The following OR4C6 variants were observed in gnomAD, a reference collection of about 807,000 sequenced individuals.
OR4C6 encodes olfactory receptor family 4 subfamily C member 6.
OR4C6 carries 20 observed loss-of-function variants against 13.9 expected under a neutral mutation model. The ratio of observed to expected loss-of-function variants is 1.43; its 90% CI spans 1.01 to 2.08. The LOEUF (loss-of-function observed/expected upper bound fraction) is 2.08, where lower values mean the gene tolerates loss of function less well. Among genes scored for constraint, OR4C6 ranks in the 30% most tolerant of loss-of-function variants. The pLI, the probability that OR4C6 is intolerant of heterozygous loss-of-function variation, is 0.00. For missense variants in OR4C6, 555 were observed against 381.2 expected (o/e 1.46, Z -3.80); for synonymous variants, 193 against 141.5 (o/e 1.36, Z -2.58).
chr11:55,663,698 T>C (rs1458258858), intron 1 of OR4C6, among the ~76,000 whole-genome samples: 1 of 137,894 alleles, frequency 7.3e-6, no homozygotes, highest in East Asian at 2.4e-4. Flanking sequence ...TTCACAAGGA[T>C]TGTTGCAAGA....
rs1280240799 is a variant in OR4C6, at chr11:55,665,107, C to T, written c.-42-18C>T. 3 of 1,054,832 alleles carry T rather than the reference C, an allele frequency of 2.8e-6. No homozygotes were observed. The highest frequency in any genetic ancestry group is 4.2e-6 in the Non-Finnish European group (3 of 713,394). The allele number at this position is 1,054,832 out of a possible 1,614,324, so 65.3% of individuals were successfully genotyped here. A position where few individuals can be genotyped will look rare whatever the true frequency, so the allele number is the denominator to read the frequency against. On this transcript the variant is annotated intron_variant, in intron 1 of 1. Transcript: ENST00000314259. ...GCCAAATTAGTCACTAATTATAAATCATATCTTGCTTATTTAGGATTCTCA... is the reference window on the plus strand; with the variant it reads ...GCCAAATTAGTCACTAATTATAAATTATATCTTGCTTATTTAGGATTCTCA...
chr11:55,662,674 A>G (rs1858685505), intron 1 of OR4C6, among the ~76,000 whole-genome samples: 1 of 138,682 alleles, frequency 7.2e-6, no homozygotes. Flanking sequence ...GAGGGCATAG[A>G]CAGAGGCACT....
Position 55,665,765 on chromosome 11 carries a change from A to G in OR4C6, c.599A>G (p.Asn200Ser). The G allele has an allele frequency of 2.5e-6, 4 of 1,613,874 alleles. No homozygotes were observed. The highest frequency in any genetic ancestry group is 3.4e-6 in the Non-Finnish European group (4 of 1,179,988). Residue 200 changes from asparagine (N) to serine (S), a missense_variant, in exon 2 of 2, where the codon AAC (asparagine) becomes AGC (serine). Coordinates refer to ENST00000314259, the MANE Select transcript of OR4C6 (RefSeq NM_001004704.2). ...THILGLLVTL[N>S]SGMMCVAIFL... is the part of the protein sequence containing the mutation. ...ATCCTGGGCCTCTTAGTTACCCTCA[A>G]CAGTGGGATGATGTGTGTGGCCATC...
Position 55,665,859 on chromosome 11 carries a change from G to A in OR4C6, c.693G>A (p.Arg231=), listed in dbSNP as rs1386550009. 1.9e-6 allele frequency: 3 copies of A among 1,613,768 alleles called. No homozygotes were observed. Among genetic ancestry groups the A allele is most frequent in the East Asian group, 2.2e-5 (1 of 44,854 alleles). The change falls in exon 2 of 2, where the codon CGG becomes CGA. Residue 231 remains arginine, a synonymous_variant. Transcript: ENST00000314259. ...CSLKSYSSKG[R]HKALSTCSSH... ...TGAAGTCTTACAGCTCTAAAGGGCG[G>A]CACAAAGCCCTCTCTACCTGCAGCT...
In OR4C6 at chr11:55,665,609, TG is replaced by T. The variant is rs865898292; in HGVS notation, c.449del (p.Gly150AspfsTer6). 3 of 1,613,486 alleles carry T rather than the reference TG, an allele frequency of 1.9e-6. No homozygotes were observed. The highest frequency in any genetic ancestry group is 2.7e-5 in the African/African-American group (2 of 74,654). ...TGCCTAATGGTAGGAGGGGCTTGGG[TG>T]GGGGGATTTATGCACGCAATGATAC... ...VCCLMVGGAW[V>X]GGFMHAMIQL... is the part of the protein sequence containing the mutation. On this transcript the variant is annotated frameshift_variant, in exon 2 of 2. Coordinates refer to ENST00000314259, the MANE Select transcript of OR4C6 (RefSeq NM_001004704.2). LOFTEE classifies it high-confidence loss of function.
rs1371503397 is a variant in OR4C6 at position 55,665,434 on chromosome 11, AT to A, written c.269del (p.Ile90ThrfsTer26). On this transcript the variant is annotated frameshift_variant, in exon 2 of 2. Coordinates refer to ENST00000314259, the MANE Select transcript of OR4C6 (RefSeq NM_001004704.2). LOFTEE classifies it high-confidence loss of function. ...AGACACCCTCTCCAAGAGCACTACC[AT>A]CTCTCTCAAAGGCTGCCTCACCCAG... is the stretch of plus-strand genomic sequence containing the variant. ...IVDTLSKSTT[I>X]SLKGCLTQLF... 7 of 1,613,752 alleles carry A rather than the reference AT, an allele frequency of 4.3e-6. No homozygotes were observed. Among genetic ancestry groups the A allele is most frequent in the Non-Finnish European group, 5.1e-6 (6 of 1,179,976 alleles).
In OR4C6 at chr11:55,665,746, G is replaced by T. The variant is rs758231825; in HGVS notation, c.580G>T (p.Gly194Cys). Reference sequence around the variant, plus strand: ...TGCCTGCACGGACACCCACATCCTGGGCCTCTTAGTTACCCTCAACAGTGG... The same window carrying T: ...TGCCTGCACGGACACCCACATCCTGTGCCTCTTAGTTACCCTCAACAGTGG... The part of the protein sequence containing the change: ...TLACTDTHIL[G>C]LLVTLNSGMM... The change falls in exon 2 of 2, where the codon GGC (glycine) becomes TGC (cysteine). Residue 194 changes from glycine (G) to cysteine (C), a missense_variant. Gly to Cys is a radical substitution (Grantham distance 159, BLOSUM62 -3). Coordinates refer to ENST00000314259, the MANE Select transcript of OR4C6 (RefSeq NM_001004704.2). 6.2e-7 allele frequency: 1 copy of T among 1,613,816 alleles called. No homozygotes were observed. The highest frequency in any genetic ancestry group is 8.5e-7 in the Non-Finnish European group (1 of 1,179,970).
At position 55,665,817 on chromosome 11, in the gene OR4C6, G is replaced by A. The variant is rs776795154; in HGVS notation, c.651G>A (p.Thr217=). The change falls in exon 2 of 2, where the codon ACG becomes ACA. Residue 217 remains threonine, a synonymous_variant. Transcript: ENST00000314259. ...AIFLILIASY[T]VILCSLKSYS... Reference sequence around the variant, plus strand: ...TTCTTATCTTAATTGCGTCCTACACGGTCATCCTATGCTCCCTGAAGTCTT... The same window carrying A: ...TTCTTATCTTAATTGCGTCCTACACAGTCATCCTATGCTCCCTGAAGTCTT... 1.1e-5 allele frequency: 17 copies of A among 1,613,698 alleles called. No individual in the cohort carries two copies. The highest frequency in any genetic ancestry group is 2.2e-5 in the East Asian group (1 of 44,862).
In OR4C6 at chr11:55,665,176, C is replaced by T; in HGVS notation, c.10C>T (p.Gln4Ter). 3 of 1,605,066 alleles carry T rather than the reference C, an allele frequency of 1.9e-6. No individual in the cohort carries two copies. Among genetic ancestry groups the T allele is most frequent in the South Asian group, 2.2e-5 (2 of 90,180 alleles). MEN[Q>*]NNVTEFILLG... ...TATCAACACCTGAGAAATGGAAAAT[C>T]AAAACAATGTGACTGAATTCATTCT... is the stretch of plus-strand genomic sequence containing the variant. Residue 4 changes from glutamine to a stop codon, truncating the protein, a stop_gained, in exon 2 of 2, where the codon CAA (glutamine) becomes TAA (stop). Transcript: ENST00000314259. LOFTEE classifies it high-confidence loss of function.
Position 55,663,256 on chromosome 11 carries a change from C to G in OR4C6, c.-43+1008C>G, listed in dbSNP as rs1244248023. Among the ~76,000 whole-genome samples, 4 of 137,646 alleles carry G rather than the reference C, an allele frequency of 2.9e-5. 2 individuals are homozygous for G. Among genetic ancestry groups the G allele is most frequent in the Non-Finnish European group, 6.4e-5 (4 of 62,138 alleles). 90.3% of individuals were successfully genotyped at this position (137,646 alleles called of 152,430 possible). On this transcript the variant is annotated intron_variant, in intron 1 of 1. Coordinates refer to ENST00000314259, the MANE Select transcript of OR4C6 (RefSeq NM_001004704.2). ...TGATGGTGGAATAAATACAGTGAAG[C>G]ACATGAGAAATGAAGTCCAAACAGT...
intron 1 of OR4C6, among the ~76,000 whole-genome samples, chr11:55,664,111 G>T (rs1212621906): frequency 1.3e-5 from 2 of 151,948 alleles, no homozygotes; most frequent in Non-Finnish European, 2.9e-5. Context: ...ATAATCTCGT[G>T]CAAGATATTT....
In OR4C6 at chr11:55,662,573, A is replaced by G. The variant is rs143973520; in HGVS notation, c.-43+325A>G. Among the ~76,000 whole-genome samples, 129 of 139,446 alleles carry G rather than the reference A, an allele frequency of 9.3e-4. 31 individuals are homozygous for G. In the East Asian group the frequency reaches 0.027, roughly 30 times the overall value. The allele number at this position is 139,446 out of a possible 152,430, so 91.5% of individuals were successfully genotyped here. On this transcript the variant is annotated intron_variant, in intron 1 of 1. Transcript: ENST00000314259. The stretch of plus-strand genomic sequence containing the variant: ...GAGAAACATGTAATAAACATAAAGT[A>G]ATGATATATAGAAAACACATCTTGT...
Position 55,665,319 on chromosome 11 carries a change from G to A in OR4C6, c.153G>A (p.Gln51=), listed in dbSNP as rs1858724035. The A allele has an allele frequency of 6.2e-7, 1 of 1,613,690 alleles. No individual in the cohort carries two copies. The highest frequency in any genetic ancestry group is 2.2e-5 in the East Asian group (1 of 44,874). ...LLIVVTIITS[Q]SLRSPMYFFL... is the part of the protein sequence containing the mutation. Reference sequence around the variant, plus strand: ...TTGTGGTAACTATTATCACAAGTCAGAGTCTGAGGTCACCTATGTATTTTT... The same window carrying A: ...TTGTGGTAACTATTATCACAAGTCAAAGTCTGAGGTCACCTATGTATTTTT... The change falls in exon 2 of 2, where the codon CAG becomes CAA. Residue 51 remains glutamine, a synonymous_variant. Coordinates refer to ENST00000314259, the MANE Select transcript of OR4C6 (RefSeq NM_001004704.2).
chr11:55,665,658 AC>A lies in OR4C6; in HGVS notation c.495del (p.Phe166SerfsTer7). ...TACAACTTCTCTTCATGTATCAAAT[AC>A]CCTTCTGTGGTCCTAATATCATAGA... ...MIQLLFMYQI[P>X]FCGPNIIDHF... On this transcript the variant is annotated frameshift_variant, in exon 2 of 2. Transcript: ENST00000314259. LOFTEE classifies it high-confidence loss of function. The A allele has an allele frequency of 5.0e-6, 8 of 1,613,756 alleles. No individual in the cohort carries two copies. The highest frequency in any genetic ancestry group is 6.8e-6 in the Non-Finnish European group (8 of 1,179,898).
At chr11:55,664,514 A>AT (rs906799047) in intron 1 of OR4C6, among the ~76,000 whole-genome samples, 5 of 152,036 alleles carry the variant, frequency 3.3e-5, no homozygotes, top group Non-Finnish European at 4.4e-5. Context: ...AAGAATCAAT[A>AT]TTTTTTTAAA....
At chr11:55,664,865 T>A (rs1858716058) in intron 1 of OR4C6, among the ~76,000 whole-genome samples, 1 of 151,984 alleles carries the variant, frequency 6.6e-6, no homozygotes, top group Admixed American at 6.6e-5. Context: ...CTATTAATAA[T>A]AACTATTATA....
Position 55,665,221 on chromosome 11 carries a change from C to A in OR4C6, c.55C>A (p.Leu19Met). 1 of 1,613,330 alleles carries A rather than the reference C, an allele frequency of 6.2e-7. No homozygotes were observed. Among genetic ancestry groups the A allele is most frequent in the African/African-American group, 1.3e-5 (1 of 74,818 alleles). ...EFILLGLTEN[L>M]ELWKIFSAVF... ...CATTCTTCTGGGTCTCACAGAGAAC[C>A]TGGAGCTGTGGAAAATATTTTCTGC... The change falls in exon 2 of 2, where the codon CTG becomes ATG. Residue 19 changes from leucine to methionine, a missense_variant. By Grantham distance (15) the Leu-to-Met change is conservative. Transcript: ENST00000314259.
intron 1 of OR4C6, among the ~76,000 whole-genome samples, chr11:55,664,678 A>C (rs79019695): frequency 0.013 from 1,962 of 151,708 alleles, 64 homozygotes; most frequent in African/African-American, 0.045. Context: ...TTCCGGCATC[A>C]GAATATAAGG....
intron 1 of OR4C6, among the ~76,000 whole-genome samples, chr11:55,662,506 T>C (rs1294780193): frequency 7.2e-6 from 1 of 139,258 alleles, no homozygotes; most frequent in African/African-American, 2.5e-5. Flanking sequence ...CTGAGATATG[T>C]GGAAGAAGTA....
Sources: allele counts gnomAD v4.1 joint callset (sites outside exome capture counted in the v4.1 genomes callset), GRCh38; gene constraint gnomAD v4.1.1; transcripts MANE v1.5; gene names NCBI Gene and HGNC (gene_info 2026-07-23, HGNC 2026-07-21).